Variants in GRID2 observed in about 807,000 individuals in gnomAD.
The protein encoded by GRID2 is glutamate receptor ionotropic, delta-2.
Under a neutral mutation model 114.8 loss-of-function variants are expected in GRID2, and 33 were observed. That is an observed-to-expected ratio of 0.29 (90% CI 0.22 to 0.38). GRID2 has a LOEUF of 0.38. GRID2 is among the 10% of genes least tolerant of loss of function. GRID2 has a pLI of 1.00. For missense variants in GRID2, 1,184 were observed against 1,257.7 expected (o/e 0.94, Z 0.89); for synonymous variants, 505 against 449.9 (o/e 1.12, Z -1.55).
intron 8 of GRID2, chr4:93,318,530 G>A (rs892644835): frequency 5.3e-5 from 8 of 152,044 alleles, no homozygotes; most frequent in Admixed American, 4.6e-4. Flanking sequence ...CTCATTAAGA[G>A]GAGTCTCAAG....
At chr4:92,883,947 A>G (rs1746192846) in intron 2 of GRID2, among the ~76,000 whole-genome samples, 1 of 152,202 alleles carries the variant, frequency 6.6e-6, no homozygotes. Context: ...TTAGTCCCTA[A>G]TAAGAGAGTC....
chr4:93,260,125 G>A (rs1750092192), intron 8 of GRID2, among the ~76,000 whole-genome samples: 1 of 151,578 alleles, frequency 6.6e-6, no homozygotes, highest in South Asian at 2.1e-4. Context: ...TTGGAAGTGT[G>A]TTATAAAAAC....
intron 1 of GRID2, among the ~76,000 whole-genome samples, chr4:92,386,055 T>A (rs143193430): frequency 0.012 from 1,804 of 151,628 alleles, 14 homozygotes; most frequent in Middle Eastern, 0.031. Flanking sequence ...TAAAATTCAC[T>A]TTTATTTGTC....
intron 2 of GRID2, among the ~76,000 whole-genome samples, chr4:92,741,633 C>T (rs1736896942): frequency 6.6e-6 from 1 of 152,162 alleles, no homozygotes; most frequent in Non-Finnish European, 1.5e-5. Context: ...TTCATGTCTG[C>T]AAGCCTTTGC....
At chr4:93,147,710 T>A (rs577800389) in intron 4 of GRID2, among the ~76,000 whole-genome samples, 1 of 152,192 alleles carries the variant, frequency 6.6e-6, no homozygotes, top group Non-Finnish European at 1.5e-5. Flanking sequence ...ACAGATTTAT[T>A]GTCTTCTCTA....
At chr4:92,948,775 A>G (rs1751824785) in intron 2 of GRID2, among the ~76,000 whole-genome samples, 1 of 152,078 alleles carries the variant, frequency 6.6e-6, no homozygotes. Context: ...AGTATAATGA[A>G]TTAGTACAAT....
At chr4:93,383,526 A>G (rs917263495) in intron 8 of GRID2, among the ~76,000 whole-genome samples, 3 of 152,160 alleles carry the variant, frequency 2.0e-5, no homozygotes, top group African/African-American at 7.2e-5. Context: ...TATATCAGAT[A>G]GATTCTGCCA....
At chr4:92,905,632 A>C (rs1747888548) in intron 2 of GRID2, among the ~76,000 whole-genome samples, 1 of 148,602 alleles carries the variant, frequency 6.7e-6, no homozygotes, top group Admixed American at 6.7e-5. Context: ...TGATGAGGAA[A>C]TTAATTTTTT....
At chr4:92,921,626 T>G (rs529591658) in intron 2 of GRID2, among the ~76,000 whole-genome samples, 1 of 152,202 alleles carries the variant, frequency 6.6e-6, no homozygotes, top group Non-Finnish European at 1.5e-5. Context: ...AGACCCTGTT[T>G]ACCTGAGTAT....
At chr4:92,575,216 G>T (rs1446005278) in intron 1 of GRID2, among the ~76,000 whole-genome samples, 12 of 152,126 alleles carry the variant, frequency 7.9e-5, no homozygotes, top group Non-Finnish European at 1.5e-5. Flanking sequence ...CCCCTGTATT[G>T]TTTTACCATC....
At chr4:93,021,736 A>G (rs1351272834) in intron 2 of GRID2, among the ~76,000 whole-genome samples, 2 of 145,806 alleles carry the variant, frequency 1.4e-5, no homozygotes, top group Admixed American at 1.4e-4. Flanking sequence ...GTATATTATG[A>G]ATATTATAAT....
intron 2 of GRID2, among the ~76,000 whole-genome samples, chr4:92,778,460 T>TA (rs1738911580): frequency 2.6e-5 from 4 of 152,112 alleles, no homozygotes; most frequent in Admixed American, 2.6e-4. Flanking sequence ...AGACAACTAG[T>TA]ACCCTCTCGT....
At chr4:92,862,019 T>C (rs2149435992) in intron 2 of GRID2, among the ~76,000 whole-genome samples, 1 of 152,110 alleles carries the variant, frequency 6.6e-6, no homozygotes, top group South Asian at 2.1e-4. Flanking sequence ...TCTCCACGGT[T>C]TTACCTAACA....
At chr4:93,518,388 T>TC (rs1730015714) in intron 13 of GRID2, among the ~76,000 whole-genome samples, 1 of 152,074 alleles carries the variant, frequency 6.6e-6, no homozygotes. Flanking sequence ...AATTTTTTTT[T>TC]CTGCCTTGCT....
intron 2 of GRID2, among the ~76,000 whole-genome samples, chr4:92,661,252 A>C (rs1416453478): frequency 6.6e-6 from 1 of 151,062 alleles, no homozygotes; most frequent in Non-Finnish European, 1.5e-5. Flanking sequence ...AATGTGACAA[A>C]AGTTATATCT....
Position 93,402,602 on chromosome 4 carries a change from C to T in GRID2, c.1347+6894C>T, listed in dbSNP as rs114764176. On this transcript the variant is annotated intron_variant, in intron 9 of 15. Transcript: ENST00000282020. ...CTGCAGAATAATGAGTTTTAGGCCC[C>T]GTCACTGTTACCTCAATTTGAAAAC... 2.8e-3 allele frequency among the ~76,000 whole-genome samples: 429 copies of T among 152,080 alleles called. 2 individuals carry two copies. The highest frequency in any genetic ancestry group is 9.6e-3 in the African/African-American group (400 of 41,494).
chr4:93,493,310 A>C (rs1033730833), intron 12 of GRID2, among the ~76,000 whole-genome samples: 3 of 151,870 alleles, frequency 2.0e-5, no homozygotes, highest in Admixed American at 1.3e-4. Context: ...CATGGTTAAC[A>C]TTGACTGAGA....
chr4:92,844,049 T>A (rs1408004315), intron 2 of GRID2, among the ~76,000 whole-genome samples: 1 of 152,150 alleles, frequency 6.6e-6, no homozygotes, highest in Non-Finnish European at 1.5e-5. Context: ...ATAAAAAAAC[T>A]TTATTGATAA....
chr4:93,038,858 A>T (rs924110617), intron 2 of GRID2, among the ~76,000 whole-genome samples: 2 of 151,954 alleles, frequency 1.3e-5, no homozygotes, highest in African/African-American at 4.8e-5. Flanking sequence ...GAATGCTTTC[A>T]CACTCTTGGT....
Sources: allele counts gnomAD v4.1 joint callset (sites outside exome capture counted in the v4.1 genomes callset), GRCh38; gene constraint gnomAD v4.1.1; transcripts MANE v1.5; gene names NCBI Gene and HGNC (gene_info 2026-07-23, HGNC 2026-07-21).